The following MDN1 variants were observed in gnomAD, a reference collection of about 807,000 sequenced individuals.
MDN1 encodes the protein midasin.
MDN1 carries 266 observed loss-of-function variants against 669.2 expected under a neutral mutation model. The observed-to-expected ratio is 0.40, with a 90% CI of 0.36 to 0.44. MDN1 has a LOEUF of 0.44. Ranked by LOEUF, MDN1 falls within the 20% of genes least tolerant of loss-of-function variation. The pLI, the probability that MDN1 is intolerant of heterozygous loss-of-function variation, is 1.00. For missense variants in MDN1, 5,940 were observed against 6,754.0 expected (o/e 0.88, Z 4.22); for synonymous variants, 2,385 against 2,457.1 (o/e 0.97, Z 0.87).
intron 88 of MDN1, among the ~76,000 whole-genome samples, chr6:89,660,330 G>A (rs1584109277): frequency 1.3e-5 from 2 of 152,100 alleles, no homozygotes; most frequent in South Asian, 2.1e-4. Flanking sequence ...GACTACAGGT[G>A]TGTGCCATAA....
intron 1 of MDN1, chr6:89,814,903 C>A: frequency 2.0e-6 from 1 of 493,020 alleles, no homozygotes; most frequent in Non-Finnish European, 4.0e-6. Flanking sequence ...AAACCAGGGT[C>A]AGGGCAGTAA....
intron 49 of MDN1, among the ~76,000 whole-genome samples, chr6:89,711,406 T>A (rs1813906630): frequency 6.6e-6 from 1 of 152,184 alleles, no homozygotes; most frequent in Non-Finnish European, 1.5e-5. Flanking sequence ...CTACAACAAC[T>A]ATTTACATAG....
intron 5 of MDN1, 37 bp downstream of exon 5, chr6:89,793,725 G>A: frequency 6.4e-7 from 1 of 1,556,580 alleles, no homozygotes; most frequent in East Asian, 2.3e-5. Context: ...TGTTTAGTAG[G>A]GGGAAGGGGA....
intron 100 of MDN1, among the ~76,000 whole-genome samples, chr6:89,646,164 T>C (rs887190119): frequency 6.6e-6 from 1 of 152,176 alleles, no homozygotes; most frequent in Non-Finnish European, 1.5e-5. Context: ...CAATCCACTT[T>C]TGGTTGGAAA....
rs191688031 is a variant in MDN1, at chr6:89,759,562, G to C, written c.2461-602C>G. Among the ~76,000 whole-genome samples, 345 of 151,822 alleles carry C rather than the reference G, an allele frequency of 2.3e-3. 1 individual carries two copies. The highest frequency in any genetic ancestry group is 0.017 in the Middle Eastern group (5 of 294). On this transcript the variant is annotated intron_variant, in intron 17 of 101. Coordinates refer to ENST00000369393, the MANE Select transcript of MDN1 (RefSeq NM_014611.3). ...GCGGATCACTGGAGGTCAGGAGTTC[G>C]ACACCAGCCTGACCAACATAGTGAA...
chr6:89,706,807 A>G (rs1813545765), intron 52 of MDN1, among the ~76,000 whole-genome samples: 2 of 152,188 alleles, frequency 1.3e-5, no homozygotes, highest in African/African-American at 2.4e-5. Context: ...ATGTTTAGAT[A>G]GATAGTTAAT....
At chr6:89,666,268 T>C (rs1458193297) in intron 84 of MDN1, among the ~76,000 whole-genome samples, 3 of 152,198 alleles carry the variant, frequency 2.0e-5, no homozygotes, top group African/African-American at 7.2e-5. Flanking sequence ...TCTGCTTTTT[T>C]CATTTTTATT....
chr6:89,719,612 A>G (rs557597727), intron 40 of MDN1, among the ~76,000 whole-genome samples: 5 of 152,358 alleles, frequency 3.3e-5, no homozygotes, highest in African/African-American at 7.2e-5. Context: ...AAGAAAAATG[A>G]CCATTCATTA....
chr6:89,662,095 T>C lies in MDN1; in HGVS notation c.14557A>G (p.Ile4853Val), dbSNP rs767900653. ...GQGEDKINEQ[I>V]DERDYDENEV... Reference sequence around the variant, plus strand: ...TTTCAAATCTTCATTACCTCATCTATTTGTTCATTAATTTTGTCTTCACCT... The same window carrying C: ...TTTCAAATCTTCATTACCTCATCTACTTGTTCATTAATTTTGTCTTCACCT... The change falls in exon 87 of 102, where the codon ATA becomes GTA. Residue 4853 changes from isoleucine to valine, a missense_variant. Physicochemically the swap from Ile to Val is conservative, Grantham distance 29. Coordinates refer to ENST00000369393, the MANE Select transcript of MDN1 (RefSeq NM_014611.3). 1.2e-6 allele frequency: 2 copies of C among 1,611,740 alleles called. No homozygotes were observed. Among genetic ancestry groups the C allele is most frequent in the African/African-American group, 1.3e-5 (1 of 74,620 alleles).
chr6:89,779,453 A>G (rs1818533800), intron 11 of MDN1, among the ~76,000 whole-genome samples: 1 of 152,178 alleles, frequency 6.6e-6, no homozygotes, highest in Admixed American at 6.5e-5. Context: ...CACCACCCTC[A>G]TCAGAAACCC....
Position 89,644,096 on chromosome 6 carries a change from A to G in MDN1, c.16700T>C (p.Ile5567Thr). The G allele has an allele frequency of 1.9e-6, 3 of 1,614,086 alleles. No individual in the cohort carries two copies. Among genetic ancestry groups the G allele is most frequent in the Non-Finnish European group, 2.5e-6 (3 of 1,180,008 alleles). Residue 5567 changes from isoleucine (I) to threonine (T), a missense_variant, in exon 102 of 102, where the codon ATC (isoleucine) becomes ACC (threonine). Transcript: ENST00000369393. The stretch of plus-strand genomic sequence containing the variant: ...AAGTGCGTTTACATCTCGAAGAATG[A>G]TATAGTATGGGAATGGGAACTCTTC... The part of the protein sequence containing the change: ...YMEEFPFPYY[I>T]ILRDVNALPE...
Position 89,690,851 on chromosome 6 carries a change from C to A in MDN1, c.10588-17G>T, listed in dbSNP as rs375163254. On this transcript the variant is annotated splice_polypyrimidine_tract_variant and intron_variant, in intron 63 of 101. Transcript: ENST00000369393. Reference sequence around the variant, plus strand: ...GATGATTTCCTGAAAGTCACACAGACAGAAAGAAGCTGAGCTTTCTTTGCT... The same window carrying A: ...GATGATTTCCTGAAAGTCACACAGAAAGAAAGAAGCTGAGCTTTCTTTGCT... 4.3e-5 allele frequency: 69 copies of A among 1,611,268 alleles called. No individual in the cohort carries two copies. Among genetic ancestry groups the A allele is most frequent in the Non-Finnish European group, 5.7e-5 (67 of 1,178,824 alleles).
At chr6:89,810,247 G>C (rs944795070) in intron 1 of MDN1, among the ~76,000 whole-genome samples, 16 of 151,346 alleles carry the variant, frequency 1.1e-4, no homozygotes, top group Admixed American at 5.3e-4. Flanking sequence ...ACCAGCCTGA[G>C]CAATACGGTG....
In MDN1 at chr6:89,719,123, C is replaced by A; in HGVS notation, c.6057+13G>T. On this transcript the variant is annotated intron_variant, in intron 41 of 101. Coordinates refer to ENST00000369393, the MANE Select transcript of MDN1 (RefSeq NM_014611.3). ...AAATGTCAAAGGATAGAGGATTATC[C>A]TAGTCTCCTTACCTGAACATCATAG... 1 of 1,612,528 alleles carries A rather than the reference C, an allele frequency of 6.2e-7. No individual in the cohort carries two copies. Among genetic ancestry groups the A allele is most frequent in the Non-Finnish European group, 8.5e-7 (1 of 1,178,576 alleles).
At position 89,686,957 on chromosome 6, in the gene MDN1, G is replaced by A; in HGVS notation, c.11517C>T (p.Phe3839=). 1 of 1,613,964 alleles carries A rather than the reference G, an allele frequency of 6.2e-7. No homozygotes were observed. The highest frequency in any genetic ancestry group is 8.5e-7 in the Non-Finnish European group (1 of 1,179,980). Residue 3839 remains phenylalanine, a synonymous_variant, in exon 69 of 102, where the codon TTC becomes TTT. Coordinates refer to ENST00000369393, the MANE Select transcript of MDN1 (RefSeq NM_014611.3). ...RHTEKSTKHW[F]SIYQMLEKHM... ...GCTTCTCAAGCATCTGATAGATGGA[G>A]AACCAGTGCTTGGTGGATTTCTCGG...
In MDN1 at chr6:89,728,021, C is replaced by T. The variant is rs566626268; in HGVS notation, c.5350-66G>A. The T allele has an allele frequency of 2.4e-5, 36 of 1,518,438 alleles. No individual in the cohort carries two copies. In the East Asian group the frequency reaches 5.7e-4, roughly 24 times the overall value. 94.1% of individuals were successfully genotyped at this position (1,518,438 alleles called of 1,614,324 possible). A position where few individuals can be genotyped will look rare whatever the true frequency, so the allele number is the denominator to read the frequency against. Reference sequence around the variant, plus strand: ...TAAAAATCAACTGGATTCTAACACCCTAAATCTGAAATGATAAATACTTGG... The same window carrying T: ...TAAAAATCAACTGGATTCTAACACCTTAAATCTGAAATGATAAATACTTGG... On this transcript the variant is annotated intron_variant, in intron 36 of 101. Coordinates refer to ENST00000369393, the MANE Select transcript of MDN1 (RefSeq NM_014611.3).
In MDN1 at chr6:89,761,748, C is replaced by A; in HGVS notation, c.2357G>T (p.Gly786Val). 6.3e-7 allele frequency: 1 copy of A among 1,591,738 alleles called. No homozygotes were observed. Among genetic ancestry groups the A allele is most frequent in the Non-Finnish European group, 8.6e-7 (1 of 1,164,188 alleles). The change falls in exon 17 of 102, where the codon GGG becomes GTG. Residue 786 changes from glycine to valine, a missense_variant and splice_region_variant. Gly to Val is a moderately radical substitution (Grantham distance 109). Around this residue, in one of 5 missense-constraint regions of MDN1, gnomAD observed 1,203 missense variants for 1,268.9 expected, o/e 0.95. Coordinates refer to ENST00000369393, the MANE Select transcript of MDN1 (RefSeq NM_014611.3). ...TTCCCATTTCTCTTTTATGAGTAAC[C>A]CTAAAAAAGAAAGACAAGAATTCAG... is the stretch of plus-strand genomic sequence containing the variant. ...VNKDGKDSET[G>V]LLIKEKWEAF...
chr6:89,656,827 T>G, intron 90 of MDN1, 26 bp from the exon 91 acceptor site: 1 of 1,593,234 alleles, frequency 6.3e-7, no homozygotes, highest in Non-Finnish European at 8.6e-7. Flanking sequence ...CACAAAAGAA[T>G]GAGGTGAAAG....
chr6:89,780,547 C>T (rs1818615588), intron 10 of MDN1, among the ~76,000 whole-genome samples: 1 of 151,986 alleles, frequency 6.6e-6, no homozygotes, highest in South Asian at 2.1e-4. Flanking sequence ...AGGAAGTGAC[C>T]TACCAACTCA....
Sources: allele counts gnomAD v4.1 joint callset (sites outside exome capture counted in the v4.1 genomes callset), GRCh38; gene constraint gnomAD v4.1.1; regional missense constraint gnomAD v4.1.1; transcripts MANE v1.5; gene names NCBI Gene and HGNC (gene_info 2026-07-23, HGNC 2026-07-21).